MTHFD1L: variants seen among roughly 807,000 people sequenced by gnomAD.
MTHFD1L encodes the protein methylenetetrahydrofolate dehydrogenase (NADP+ dependent) 1 like.
A neutral mutation model predicts 119.5 loss-of-function variants in MTHFD1L; 81 were observed. That is an observed-to-expected ratio of 0.68 (90% CI 0.57 to 0.82). MTHFD1L has a LOEUF of 0.82. Ranked by LOEUF, MTHFD1L falls within the 40% of genes least tolerant of loss-of-function variation. MTHFD1L has a pLI of 0.00. For missense variants in MTHFD1L, 1,125 were observed against 1,253.4 expected (o/e 0.90, Z 1.55); for synonymous variants, 430 against 475.2 (o/e 0.90, Z 1.24).
At chr6:151,060,510 C>G (rs983577270) in intron 26 of MTHFD1L, among the ~76,000 whole-genome samples, 1 of 152,180 alleles carries the variant, frequency 6.6e-6, no homozygotes, top group Admixed American at 6.5e-5. Context: ...ACAGAGGGAG[C>G]CCCCTGCTCC....
At chr6:150,867,794 CTTT>C (rs35396368) in intron 1 of MTHFD1L, among the ~76,000 whole-genome samples, 5 of 115,934 alleles carry the variant, frequency 4.3e-5, no homozygotes, top group Admixed American at 9.1e-5. Flanking sequence ...CATACATATT[CTTT>C]TTTTTTTTTT....
intron 1 of MTHFD1L, among the ~76,000 whole-genome samples, chr6:150,872,797 T>G (rs1779750862): frequency 6.6e-6 from 1 of 151,472 alleles, no homozygotes; most frequent in South Asian, 2.1e-4. Flanking sequence ...ATGCCTGTAT[T>G]TTTTTTTCTA....
At chr6:151,050,559 C>G (rs917671292) in intron 26 of MTHFD1L, among the ~76,000 whole-genome samples, 2 of 152,126 alleles carry the variant, frequency 1.3e-5, no homozygotes, top group African/African-American at 4.8e-5. Context: ...AGAGGGGAGT[C>G]CTAGGAACTC....
Position 150,926,301 on chromosome 6 carries a change from A to G in MTHFD1L, c.1256+6A>G. 3 of 1,606,374 alleles carry G rather than the reference A, an allele frequency of 1.9e-6. No homozygotes were observed. Among genetic ancestry groups the G allele is most frequent in the South Asian group, 2.2e-5 (2 of 90,586 alleles). The stretch of plus-strand genomic sequence containing the variant: ...AAATACGTCTTAGTTGCTGGGTAAG[A>G]CACCATCTAACATCTACTTGATCAA... On this transcript the variant is annotated splice_donor_region_variant and intron_variant, in intron 11 of 27. Transcript: ENST00000367321. The surrounding 1 kb of genome is among the most constrained non-coding windows in gnomAD (Gnocchi z 4.3).
At chr6:151,032,983 C>T (rs1785564884) in intron 24 of MTHFD1L, among the ~76,000 whole-genome samples, 1 of 152,200 alleles carries the variant, frequency 6.6e-6, no homozygotes, top group Non-Finnish European at 1.5e-5. Context: ...AAATGTGACA[C>T]TAGCTGTTGC....
chr6:150,978,885 C>T (rs868059487), intron 20 of MTHFD1L, among the ~76,000 whole-genome samples: 4 of 152,212 alleles, frequency 2.6e-5, no homozygotes, highest in South Asian at 2.1e-4. Context: ...GGTGATCAGG[C>T]GGCTATTGTG....
At chr6:150,976,373 G>T (rs1176328552) in intron 20 of MTHFD1L, among the ~76,000 whole-genome samples, 1 of 152,148 alleles carries the variant, frequency 6.6e-6, no homozygotes, top group Non-Finnish European at 1.5e-5. Flanking sequence ...ATTTCAAACT[G>T]CTTTGCAAAC....
At chr6:151,095,485 C>T (rs1794825708) in intron 27 of MTHFD1L, among the ~76,000 whole-genome samples, 1 of 152,204 alleles carries the variant, frequency 6.6e-6, no homozygotes, top group African/African-American at 2.4e-5. Flanking sequence ...CCAAGTAGGT[C>T]ATATAAGTCC....
chr6:150,941,925 A>G (rs1382510386), intron 13 of MTHFD1L, among the ~76,000 whole-genome samples: 1 of 152,308 alleles, frequency 6.6e-6, no homozygotes, highest in African/African-American at 2.4e-5. Flanking sequence ...CTAAATGCAT[A>G]TTCATCTTCA....
chr6:150,923,035 T>G (rs1469845749), intron 10 of MTHFD1L, among the ~76,000 whole-genome samples: 2 of 152,188 alleles, frequency 1.3e-5, no homozygotes, highest in Admixed American at 6.5e-5. Flanking sequence ...TGCTTTTCAA[T>G]GTCAGAAATG....
At chr6:150,960,190 T>C in intron 17 of MTHFD1L, 85 bp from the exon 18 acceptor site, 2 of 1,506,236 alleles carry the variant, frequency 1.3e-6, no homozygotes, top group South Asian at 2.6e-5. Context: ...CTGTGGTTGC[T>C]TCATGGCTGA....
chr6:151,015,636 G>A lies in MTHFD1L; in HGVS notation c.2529G>A (p.Arg843=). ...VGGKGSVDLA[R]AVREAASKRS... is the part of the protein sequence containing the mutation. ...GAAAAGGATCGGTGGACTTGGCTCG[G>A]GCTGTGAGAGAGGCTGCGAGTAAAA... The change falls in exon 24 of 28, where the codon CGG becomes CGA. Residue 843 remains arginine (R), a synonymous_variant. Coordinates refer to ENST00000367321, the MANE Select transcript of MTHFD1L (RefSeq NM_015440.5). 1 of 1,614,108 alleles carries A rather than the reference G, an allele frequency of 6.2e-7. No homozygotes were observed. Among genetic ancestry groups the A allele is most frequent in the Admixed American group, 1.7e-5 (1 of 60,008 alleles).
At position 150,865,788 on chromosome 6, in the gene MTHFD1L, G is replaced by T. The variant is rs761049884; in HGVS notation, c.-35G>T. On this transcript the variant is annotated 5_prime_UTR_variant, in exon 1 of 28. Coordinates refer to ENST00000367321, the MANE Select transcript of MTHFD1L (RefSeq NM_015440.5). ...CGCCCCGCCGCCCTCGGCAGCCGCA[G>T]CTCCGTGTCCCCTGAGAACCAGCCG... is the stretch of plus-strand genomic sequence containing the variant. 66 of 1,285,604 alleles carry T rather than the reference G, an allele frequency of 5.1e-5. 1 individual carries two copies. Among genetic ancestry groups the T allele is most frequent in the South Asian group, 1.0e-4 (6 of 57,798 alleles). 79.6% of individuals were successfully genotyped at this position (1,285,604 alleles called of 1,614,324 possible).
At chr6:151,079,566 C>T (rs1487045738) in intron 26 of MTHFD1L, among the ~76,000 whole-genome samples, 4 of 151,886 alleles carry the variant, frequency 2.6e-5, no homozygotes, top group Admixed American at 6.6e-5. Context: ...CTCGGCTCAC[C>T]GCAACCTCCG....
chr6:150,874,336 C>G (rs1036193916), intron 1 of MTHFD1L, among the ~76,000 whole-genome samples: 2 of 152,164 alleles, frequency 1.3e-5, no homozygotes, highest in African/African-American at 4.8e-5. Context: ...CTGTTCCGGC[C>G]CAGCTGGCAG....
At chr6:150,916,779 T>TTTTTTTTTG (rs1788035318) in intron 8 of MTHFD1L, among the ~76,000 whole-genome samples, 1 of 88,846 alleles carries the variant, frequency 1.1e-5, no homozygotes, top group African/African-American at 4.9e-5. Context: ...TTTTTTTTTT[T>TTTTTTTTTG]GAGGTGGAGT....
chr6:150,987,204 T>C (rs1197898348), intron 20 of MTHFD1L, among the ~76,000 whole-genome samples: 1 of 152,132 alleles, frequency 6.6e-6, no homozygotes, highest in Non-Finnish European at 1.5e-5. Flanking sequence ...GTCATTCGGG[T>C]AGTTGCATCT....
chr6:150,873,475 GA>G lies in MTHFD1L; in HGVS notation c.228-2614del, dbSNP rs1779888936. Among the ~76,000 whole-genome samples the G allele has an allele frequency of 2.0e-5, 3 of 152,248 alleles. No individual in the cohort carries two copies. The South Asian group carries it at 6.2e-4, about 32-fold the overall frequency. ...GTACATTTATAAGAAAAAGGGGAAA[GA>G]GCCACTGTAGTATACCTGTTTTACA... On this transcript the variant is annotated intron_variant, in intron 1 of 27. Coordinates refer to ENST00000367321, the MANE Select transcript of MTHFD1L (RefSeq NM_015440.5).
At chr6:151,090,875 TGC>T (rs1310155895) in intron 26 of MTHFD1L, among the ~76,000 whole-genome samples, 3 of 133,232 alleles carry the variant, frequency 2.3e-5, no homozygotes, top group African/African-American at 8.8e-5. Flanking sequence ...CATCGCCCCA[TGC>T]GACTGGGTGC....
Sources: gnomAD v4.1 joint callset for allele counts (sites outside exome capture counted in the v4.1 genomes callset) on GRCh38, gnomAD v4.1.1 for gene constraint, Gnocchi (gnomAD v3.1) non-coding constraint, MANE v1.5 for transcripts, NCBI Gene and HGNC (gene_info 2026-07-23, HGNC 2026-07-21) for gene names.